Variants in MZT2B observed in about 807,000 individuals in gnomAD.
MZT2B encodes the protein mitotic-spindle organizing protein 2B.
In MZT2B, 11 loss-of-function variants were observed where a neutral mutation model predicts 12.1. The ratio of observed to expected loss-of-function variants is 0.91; its 90% CI spans 0.57 to 1.50. The LOEUF (loss-of-function observed/expected upper bound fraction) is 1.50, where lower values mean the gene tolerates loss of function less well. Among genes scored for constraint, MZT2B ranks in the 40% most tolerant of loss-of-function variants. The probability of loss-of-function intolerance (pLI) is 0.00; values close to 1 mark genes in which losing one functional copy is unlikely to be tolerated. For synonymous variants in MZT2B, 85 were observed against 109.5 expected (o/e 0.78, Z 1.40); for missense variants, 209 against 227.7 (o/e 0.92, Z 0.53).
At chr2:130,185,203 C>T (rs890485411) in intron 2 of MZT2B, among the ~76,000 whole-genome samples, 68 of 151,402 alleles carry the variant, frequency 4.5e-4, no homozygotes, top group Non-Finnish European at 8.8e-4. Context: ...CCCAGCTACT[C>T]GGGAGGCTGA....
chr2:130,201,719 C>T, the MZT2B span, among the ~76,000 whole-genome samples: 4 of 152,172 alleles, frequency 2.6e-5, no homozygotes, highest in African/African-American at 7.2e-5. Context: ...GGCTGGGATA[C>T]GTTCTCGACA....
chr2:130,195,730 C>T, the MZT2B span, among the ~76,000 whole-genome samples: 4 of 152,164 alleles, frequency 2.6e-5, no homozygotes, highest in Admixed American at 2.0e-4. Context: ...CCTCAGGCTG[C>T]GAATCTGAAG....
rs60830330 is a variant in MZT2B, at chr2:130,188,837, C to T, written c.320-1632C>T. ...CACGGCATCTCAGACACAGGAGTCTCTGCTTGTTCAGGGTGACAGATGGTG... is the reference window on the plus strand; with the variant it reads ...CACGGCATCTCAGACACAGGAGTCTTTGCTTGTTCAGGGTGACAGATGGTG... On this transcript the variant is annotated intron_variant, in intron 2 of 2. Transcript: ENST00000281871. 1.6e-3 allele frequency among the ~76,000 whole-genome samples: 239 copies of T among 151,768 alleles called. 2 individuals carry two copies. Among genetic ancestry groups the T allele is most frequent in the Admixed American group, 9.6e-3 (147 of 15,264 alleles).
downstream of MZT2B, among the ~76,000 whole-genome samples, chr2:130,191,244 G>A (rs537745801): frequency 7.1e-4 from 108 of 152,316 alleles, no homozygotes; most frequent in Non-Finnish European, 1.5e-3. Flanking sequence ...CTGTGTGTGC[G>A]CACAGAGGGC....
At chr2:130,192,929 A>G (rs1690302378), downstream of MZT2B, among the ~76,000 whole-genome samples, 2 of 152,104 alleles carry the variant, frequency 1.3e-5, no homozygotes, top group Admixed American at 1.3e-4. Context: ...TCCCATCTCT[A>G]CTAAAAATAC....
At chr2:130,201,554 A>G in the MZT2B span, among the ~76,000 whole-genome samples, 1 of 152,046 alleles carries the variant, frequency 6.6e-6, no homozygotes, top group East Asian at 1.9e-4. Flanking sequence ...CTACAGTCAC[A>G]TTGGGGATTA....
At chr2:130,188,938 G>A (rs1690161226) in intron 2 of MZT2B, among the ~76,000 whole-genome samples, 1 of 152,018 alleles carries the variant, frequency 6.6e-6, no homozygotes, top group African/African-American at 2.4e-5. Context: ...CCATTGCAGG[G>A]TATTTGACTA....
chr2:130,203,897 C>G, the MZT2B span, among the ~76,000 whole-genome samples: 2 of 139,048 alleles, frequency 1.4e-5, no homozygotes, highest in Admixed American at 1.5e-4. Flanking sequence ...GCCAGCTGTC[C>G]TGCTGTAAGT....
At chr2:130,191,803 G>T (rs774859317), downstream of MZT2B, 1 of 1,585,982 alleles carries the variant, frequency 6.3e-7, no homozygotes, top group Non-Finnish European at 8.6e-7. Flanking sequence ...CCTAGGGGTG[G>T]CAGGGGAGAA....
At chr2:130,181,772 G>A, upstream of MZT2B, 1 of 1,547,942 alleles carries the variant, frequency 6.5e-7, no homozygotes, top group African/African-American at 1.4e-5. Context: ...ATGCGCCTGC[G>A]TTGTGGCGGC....
Position 130,190,490 on chromosome 2 carries a change from C to G in MZT2B, c.341C>G (p.Ala114Gly). The G allele has an allele frequency of 6.2e-7, 1 of 1,613,664 alleles. No homozygotes were observed. The highest frequency in any genetic ancestry group is 8.5e-7 in the Non-Finnish European group (1 of 1,179,880). ...ETRGRNKGSA[A>G]LGGALALAER... ...TCAGGGAGAAACAAAGGCAGCGCTGCCCTCGGGGGAGCATTGGCCCTGGCG... is the reference window on the plus strand; with the variant it reads ...TCAGGGAGAAACAAAGGCAGCGCTGGCCTCGGGGGAGCATTGGCCCTGGCG... Residue 114 changes from alanine (A) to glycine (G), a missense_variant, in exon 3 of 3, where the codon GCC (alanine) becomes GGC (glycine). By Grantham distance (60) the Ala-to-Gly change is moderately conservative. Transcript: ENST00000281871.
chr2:130,196,632 G>A, the MZT2B span, among the ~76,000 whole-genome samples: 2 of 152,164 alleles, frequency 1.3e-5, no homozygotes, highest in Non-Finnish European at 2.9e-5. Context: ...TTTAAAACTT[G>A]GAAGCCATTT....
intron 2 of MZT2B, 22 bp from the exon 3 acceptor site, chr2:130,190,447 A>C: frequency 6.2e-7 from 1 of 1,611,554 alleles, no homozygotes; most frequent in Non-Finnish European, 8.5e-7. Context: ...ATTCCTAATC[A>C]TTGTGCTTTG....
upstream of MZT2B, chr2:130,181,665 G>C (rs1689657409): frequency 1.3e-6 from 2 of 1,550,770 alleles, no homozygotes; most frequent in Non-Finnish European, 8.7e-7. Flanking sequence ...TCTTTGGGCC[G>C]TTACCTCAAA....
chr2:130,183,772 C>T (rs1689924579), intron 2 of MZT2B: 2 of 1,550,508 alleles, frequency 1.3e-6, no homozygotes, highest in East Asian at 2.4e-5. Context: ...CTTTGTGTCT[C>T]TCTCTGACCT....
downstream of MZT2B, among the ~76,000 whole-genome samples, chr2:130,193,119 G>A (rs542148116): frequency 1.3e-5 from 2 of 151,930 alleles, no homozygotes; most frequent in African/African-American, 2.4e-5. Context: ...CCCGGGCATG[G>A]TGGTACATGT....
downstream of MZT2B, chr2:130,194,202 G>C: frequency 6.2e-7 from 1 of 1,613,076 alleles, no homozygotes; most frequent in Non-Finnish European, 8.5e-7. Flanking sequence ...AGGTTGCGCC[G>C]ACATATGTCA....
chr2:130,204,565 C>A, the MZT2B span, among the ~76,000 whole-genome samples: 3 of 152,038 alleles, frequency 2.0e-5, no homozygotes, highest in African/African-American at 7.2e-5. Context: ...GTATTGGGTG[C>A]CTGTAATCCT....
At chr2:130,182,259 C>T, upstream of MZT2B, 1 of 1,285,682 alleles carries the variant, frequency 7.8e-7, no homozygotes, top group Non-Finnish European at 9.8e-7. Context: ...CGGGGCGGAG[C>T]GCACCTTTCC....
Sources: gnomAD v4.1 joint callset for allele counts (sites outside exome capture counted in the v4.1 genomes callset) on GRCh38, gnomAD v4.1.1 for gene constraint, MANE v1.5 for transcripts, NCBI Gene and HGNC (gene_info 2026-07-23, HGNC 2026-07-21) for gene names.